Variants in RBFOX1 observed in about 807,000 individuals in gnomAD.
The protein encoded by RBFOX1 is RNA binding fox-1 homolog 1.
A neutral mutation model predicts 57.7 loss-of-function variants in RBFOX1; 8 were observed. The ratio of observed to expected loss-of-function variants is 0.14; its 90% CI spans 0.08 to 0.25. The LOEUF (loss-of-function observed/expected upper bound fraction) is 0.25, where lower values mean the gene tolerates loss of function less well. Among genes scored for constraint, RBFOX1 ranks in the 10% least tolerant of loss-of-function variants. The pLI is 1.00. For synonymous variants in RBFOX1, 326 were observed against 222.4 expected (o/e 1.47, Z -4.15); for missense variants, 611 against 548.5 (o/e 1.11, Z -1.14).
chr16:5,951,346 G>T (rs1567182579), intron 4 of RBFOX1, among the ~76,000 whole-genome samples: 3 of 152,020 alleles, frequency 2.0e-5, no homozygotes, highest in Admixed American at 2.0e-4. Flanking sequence ...TATTCAAGAG[G>T]CTAAGGCAGG....
At chr16:6,145,102 G>A (rs994076590) in intron 1 of RBFOX1, among the ~76,000 whole-genome samples, 3 of 151,968 alleles carry the variant, frequency 2.0e-5, no homozygotes, top group African/African-American at 7.3e-5. Context: ...CTTGTGTCAT[G>A]GGGGTTTGTT....
chr16:7,395,601 T>TTGTTGTGG (rs1368581865), intron 4 of RBFOX1, among the ~76,000 whole-genome samples: 1 of 152,128 alleles, frequency 6.6e-6, no homozygotes, highest in Non-Finnish European at 1.5e-5. Context: ...CTTATTACCT[T>TTGTTGTGG]TGTTGTGGGG....
At chr16:6,773,935 T>C (rs1352053799) in intron 3 of RBFOX1, 9 of 984,814 alleles carry the variant, frequency 9.1e-6, no homozygotes, top group Non-Finnish European at 7.2e-6. Flanking sequence ...TGGAGTGTGT[T>C]TGTGTGTGTG....
At chr16:5,288,997 C>T (rs1183122374) in intron 1 of RBFOX1, among the ~76,000 whole-genome samples, 5 of 152,024 alleles carry the variant, frequency 3.3e-5, no homozygotes, top group African/African-American at 1.2e-4. Context: ...TGGTGGCGCA[C>T]GCCTGTAGTC....
chr16:7,165,053 G>C (rs1295877459), intron 4 of RBFOX1, among the ~76,000 whole-genome samples: 2 of 152,156 alleles, frequency 1.3e-5, no homozygotes, highest in Non-Finnish European at 2.9e-5. Flanking sequence ...TCATAAAGGA[G>C]AGCTACTATT....
intron 2 of RBFOX1, among the ~76,000 whole-genome samples, chr16:5,541,525 A>C (rs932893273): frequency 2.0e-5 from 3 of 152,092 alleles, no homozygotes; most frequent in African/African-American, 7.2e-5. Context: ...CTGGTAGGTG[A>C]GAGACAAAGG....
intron 2 of RBFOX1, among the ~76,000 whole-genome samples, chr16:5,527,806 C>G (rs1020165589): frequency 7.9e-5 from 12 of 152,160 alleles, no homozygotes; most frequent in Admixed American, 5.2e-4. Flanking sequence ...GACAACCCAT[C>G]ATTGTGGACC....
intron 1 of RBFOX1, among the ~76,000 whole-genome samples, chr16:6,244,910 C>G (rs902632865): frequency 6.6e-6 from 1 of 150,908 alleles, no homozygotes; most frequent in South Asian, 2.1e-4. Context: ...CTTTGGCAAA[C>G]TGAATACCCA....
intron 3 of RBFOX1, among the ~76,000 whole-genome samples, chr16:6,678,772 C>G (rs1325445599): frequency 6.6e-6 from 1 of 152,082 alleles, no homozygotes; most frequent in Non-Finnish European, 1.5e-5. Context: ...TGACTTGAAG[C>G]TTTGAAAGTT....
At chr16:7,506,946 T>C (rs374334723) in intron 4 of RBFOX1, among the ~76,000 whole-genome samples, 1 of 152,178 alleles carries the variant, frequency 6.6e-6, no homozygotes, top group African/African-American at 2.4e-5. Context: ...GTGGGACATA[T>C]GTGCATACAG....
chr16:6,028,771 C>G (rs531057696), intron 1 of RBFOX1, among the ~76,000 whole-genome samples: 8 of 152,256 alleles, frequency 5.3e-5, no homozygotes, highest in Admixed American at 1.3e-4. Context: ...AGGTAGGATG[C>G]TGGTTAAAGA....
At chr16:6,570,571 G>A (rs889146202) in intron 2 of RBFOX1, among the ~76,000 whole-genome samples, 3 of 151,912 alleles carry the variant, frequency 2.0e-5, no homozygotes, top group Admixed American at 2.0e-4. Context: ...AAAAAATAAA[G>A]ATCAAGAGCA....
At chr16:6,161,160 G>C (rs148048042) in intron 1 of RBFOX1, among the ~76,000 whole-genome samples, 1 of 152,052 alleles carries the variant, frequency 6.6e-6, no homozygotes, top group Non-Finnish European at 1.5e-5. Flanking sequence ...AGGCCGAGGC[G>C]GGCAGATCAC....
chr16:6,941,611 C>T (rs1032229590), intron 3 of RBFOX1, among the ~76,000 whole-genome samples: 1 of 151,818 alleles, frequency 6.6e-6, no homozygotes, highest in Non-Finnish European at 1.5e-5. Flanking sequence ...TTATGCCCCT[C>T]CTCTGCCCTT....
At chr16:5,615,358 C>T (rs568477131) in intron 3 of RBFOX1, among the ~76,000 whole-genome samples, 1 of 152,312 alleles carries the variant, frequency 6.6e-6, no homozygotes, top group Admixed American at 6.5e-5. Flanking sequence ...AGCTAAGAGG[C>T]AAAGCTGCCA....
At chr16:6,969,994 C>G (rs564526305) in intron 3 of RBFOX1, among the ~76,000 whole-genome samples, 163 of 151,980 alleles carry the variant, frequency 1.1e-3, no homozygotes, top group Middle Eastern at 3.4e-3. Flanking sequence ...TCCTTACAAG[C>G]CTGGGCAGCA....
At chr16:5,992,036 A>C (rs1014851727) in intron 4 of RBFOX1, among the ~76,000 whole-genome samples, 2 of 152,248 alleles carry the variant, frequency 1.3e-5, no homozygotes, top group African/African-American at 4.8e-5. Context: ...TATACATTTT[A>C]CACAAAGTTA....
intron 1 of RBFOX1, among the ~76,000 whole-genome samples, chr16:6,178,411 C>T (rs189027043): frequency 1.2e-4 from 18 of 152,052 alleles, no homozygotes; most frequent in African/African-American, 3.6e-4. Context: ...ACTCAAACTC[C>T]TGACCTCGTG....
rs1338317951 is a variant in RBFOX1, at chr16:6,527,214, C to T, written c.-63-127389C>T. Reference sequence around the variant, plus strand: ...TCCTATCTACCTATGATCTCTGACTCCACATTTCCCTTTCCAGAAGTAAAG... The same window carrying T: ...TCCTATCTACCTATGATCTCTGACTTCACATTTCCCTTTCCAGAAGTAAAG... On this transcript the variant is annotated intron_variant, in intron 2 of 15. Coordinates refer to ENST00000550418, the MANE Select transcript of RBFOX1 (RefSeq NM_018723.4). Among the ~76,000 whole-genome samples, 5 of 152,238 alleles carry T rather than the reference C, an allele frequency of 3.3e-5. No individual in the cohort carries two copies. The South Asian group carries it at 1.0e-3, about 32-fold the overall frequency.
Sources: gnomAD v4.1 joint callset for allele counts (sites outside exome capture counted in the v4.1 genomes callset) on GRCh38, gnomAD v4.1.1 for gene constraint, MANE v1.5 for transcripts, NCBI Gene and HGNC (gene_info 2026-07-23, HGNC 2026-07-21) for gene names.